The following NRXN3 variants were observed in gnomAD, a reference collection of about 807,000 sequenced individuals.
NRXN3 encodes the protein neurexin III.
NRXN3 carries 32 observed loss-of-function variants against 137.6 expected under a neutral mutation model. The ratio of observed to expected loss-of-function variants is 0.23; its 90% confidence interval spans 0.18 to 0.31. NRXN3 has a LOEUF of 0.31. Among genes scored for constraint, NRXN3 ranks in the 10% least tolerant of loss-of-function variants. The probability of loss-of-function intolerance (pLI) is 1.00; values close to 1 mark genes in which losing one functional copy is unlikely to be tolerated. For missense variants in NRXN3, 1,574 were observed against 2,062.5 expected, an observed-to-expected ratio of 0.76 and a Z score of 4.59; for synonymous variants, 798 against 784.5, an observed-to-expected ratio of 1.02 and a Z score of -0.29.
At chr14:78,774,842 T>C (rs1181770509) in intron 8 of NRXN3, among the ~76,000 whole-genome samples, 3 of 152,116 alleles carry the variant, frequency 2.0e-5, no homozygotes, top group East Asian at 1.9e-4. Flanking sequence ...AAGGATTGCT[T>C]GAGCCAAGGG....
chr14:78,379,856 A>G (rs2088704614), intron 4 of NRXN3, among the ~76,000 whole-genome samples: 1 of 152,238 alleles, frequency 6.6e-6, no homozygotes, highest in Non-Finnish European at 1.5e-5. Context: ...AATCTACCAT[A>G]AACACTCGCA....
intron 15 of NRXN3, among the ~76,000 whole-genome samples, chr14:79,162,196 G>A (rs1379859904): frequency 1.3e-5 from 2 of 150,542 alleles, no homozygotes; most frequent in Non-Finnish European, 3.0e-5. Flanking sequence ...CAATGTGCAG[G>A]TTAGTTACAT....
intron 20 of NRXN3, among the ~76,000 whole-genome samples, chr14:79,850,042 T>C (rs2099388485): frequency 6.6e-6 from 1 of 152,200 alleles, no homozygotes; most frequent in Admixed American, 6.5e-5. Flanking sequence ...CCAGAATTCC[T>C]CCATTCACCC....
intron 4 of NRXN3, among the ~76,000 whole-genome samples, chr14:78,315,262 G>T (rs993553450): frequency 1.3e-5 from 2 of 151,808 alleles, no homozygotes; most frequent in Non-Finnish European, 2.9e-5. Flanking sequence ...CAAAGTGCTG[G>T]GATTACAGGC....
At chr14:79,385,216 C>CCA (rs1184863264) in intron 15 of NRXN3, among the ~76,000 whole-genome samples, 9 of 127,080 alleles carry the variant, frequency 7.1e-5, no homozygotes, top group Non-Finnish European at 1.5e-4. Flanking sequence ...CCCCCGCCCC[C>CCA]ACCCCACCAC....
chr14:79,416,237 G>C lies in NRXN3; in HGVS notation c.3263-50984G>C, dbSNP rs541852453. Among the ~76,000 whole-genome samples, 4 of 151,936 alleles carry C rather than the reference G, an allele frequency of 2.6e-5. No homozygotes were observed. The South Asian group carries it at 8.3e-4, about 32-fold the overall frequency. On this transcript the variant is annotated intron_variant, in intron 15 of 20. Transcript: ENST00000335750. ...CTGGCAACCTTCTCTTTTGCTGCCT[G>C]GTCAACAAAGATTATCTAATGTGGT...
chr14:78,541,757 C>G (rs11852078), intron 4 of NRXN3, among the ~76,000 whole-genome samples: 1 of 152,012 alleles, frequency 6.6e-6, no homozygotes, highest in Non-Finnish European at 1.5e-5. Flanking sequence ...GTGCTTTCAT[C>G]CCACCTTTGG....
At chr14:78,720,780 A>G (rs2152866133) in intron 8 of NRXN3, among the ~76,000 whole-genome samples, 1 of 152,306 alleles carries the variant, frequency 6.6e-6, no homozygotes, top group African/African-American at 2.4e-5. Flanking sequence ...AAATTATTAA[A>G]ATTTCTATAT....
At chr14:79,820,897 T>C (rs2099269961) in intron 20 of NRXN3, among the ~76,000 whole-genome samples, 2 of 152,146 alleles carry the variant, frequency 1.3e-5, no homozygotes, top group East Asian at 3.8e-4. Flanking sequence ...AAGGTTAACT[T>C]TGGGTGGCCA....
At chr14:79,594,226 C>T (rs2097840377) in intron 16 of NRXN3, among the ~76,000 whole-genome samples, 1 of 152,122 alleles carries the variant, frequency 6.6e-6, no homozygotes, top group African/African-American at 2.4e-5. Context: ...TATTATAGGA[C>T]ATAAATGCAT....
At position 78,304,943 on chromosome 14, in the gene NRXN3, C is replaced by T. The variant is rs552729312; in HGVS notation, c.757+7083C>T. On this transcript the variant is annotated intron_variant, in intron 4 of 20. Transcript: ENST00000335750. ...TCTGAAGGTATCTTCTCTGTATGTA[C>T]GTATGAACACACACACACCTGCGTG... Among the ~76,000 whole-genome samples, 17 of 152,230 alleles carry T rather than the reference C, an allele frequency of 1.1e-4. No individual in the cohort carries two copies. The East Asian group carries it at 2.7e-3, about 24-fold the overall frequency.
chr14:79,116,653 TTAATGA>T (rs2054498177), intron 15 of NRXN3, among the ~76,000 whole-genome samples: 1 of 152,232 alleles, frequency 6.6e-6, no homozygotes, highest in South Asian at 2.1e-4. Context: ...TATTTACCCC[TTAATGA>T]TGATGTTTCT....
At chr14:78,893,319 C>T (rs1232086750) in intron 10 of NRXN3, among the ~76,000 whole-genome samples, 1 of 152,006 alleles carries the variant, frequency 6.6e-6, no homozygotes, top group Non-Finnish European at 1.5e-5. Flanking sequence ...CCTCTTTTCT[C>T]TTTCATTGCT....
At chr14:78,385,619 A>G (rs2089860972) in intron 4 of NRXN3, among the ~76,000 whole-genome samples, 1 of 152,188 alleles carries the variant, frequency 6.6e-6, no homozygotes, top group African/African-American at 2.4e-5. Context: ...TATTCTATGT[A>G]TGAAATGGCA....
At chr14:78,363,616 G>A (rs73308985) in intron 4 of NRXN3, among the ~76,000 whole-genome samples, 4,189 of 152,214 alleles carry the variant, frequency 0.028, 163 homozygotes, top group African/African-American at 0.09. Context: ...CCATTGCAGT[G>A]CTCCACTCAG....
At chr14:78,629,251 G>A (rs1396151941) in intron 4 of NRXN3, among the ~76,000 whole-genome samples, 1 of 152,136 alleles carries the variant, frequency 6.6e-6, no homozygotes, top group South Asian at 2.1e-4. Flanking sequence ...TGACAGGCAC[G>A]TAATAGAGAA....
chr14:79,553,038 C>T lies in NRXN3; in HGVS notation c.3444+85636C>T, dbSNP rs554853070. ...ACTTCAGAGAGAGCCCCTCCCTACACTTAGGAAAGGAATGTGGGGGGTGGG... is the reference window on the plus strand; with the variant it reads ...ACTTCAGAGAGAGCCCCTCCCTACATTTAGGAAAGGAATGTGGGGGGTGGG... On this transcript the variant is annotated intron_variant, in intron 16 of 20. Transcript: ENST00000335750. 7.9e-5 allele frequency among the ~76,000 whole-genome samples: 12 copies of T among 152,198 alleles called. No individual in the cohort carries two copies. The East Asian group carries it at 2.1e-3, about 27-fold the overall frequency.
chr14:79,108,499 T>G (rs2052877280), intron 15 of NRXN3, among the ~76,000 whole-genome samples: 1 of 152,132 alleles, frequency 6.6e-6, no homozygotes, highest in African/African-American at 2.4e-5. Flanking sequence ...ACATCAAACT[T>G]AAATGTTATG....
At chr14:78,175,903 G>A (rs934631574) in intron 1 of NRXN3, among the ~76,000 whole-genome samples, 2 of 152,238 alleles carry the variant, frequency 1.3e-5, no homozygotes, top group African/African-American at 2.4e-5. Flanking sequence ...TATATTATAC[G>A]ATGATATATT....
Sources: allele counts gnomAD v4.1 joint callset (sites outside exome capture counted in the v4.1 genomes callset), GRCh38; gene constraint gnomAD v4.1.1; transcripts MANE v1.5; gene names NCBI Gene and HGNC (gene_info 2026-07-23, HGNC 2026-07-21).